The following RABGAP1L variants were observed in gnomAD, a reference collection of about 807,000 sequenced individuals.
RABGAP1L encodes rab GTPase-activating protein 1-like.
RABGAP1L carries 63 observed loss-of-function variants against 137.7 expected under a neutral mutation model. The ratio of observed to expected loss-of-function variants is 0.46; its 90% confidence interval spans 0.37 to 0.56. RABGAP1L has a LOEUF of 0.56. RABGAP1L is among the 20% of genes least tolerant of loss of function. The pLI is 0.00. For missense variants in RABGAP1L, 1,095 were observed against 1,244.0 expected, an observed-to-expected ratio of 0.88 and a Z score of 1.80; for synonymous variants, 431 against 433.7, an observed-to-expected ratio of 0.99 and a Z score of 0.08.
chr1:174,781,970 C>T (rs1361316837), intron 18 of RABGAP1L, among the ~76,000 whole-genome samples: 2 of 152,124 alleles, frequency 1.3e-5, no homozygotes, highest in East Asian at 3.9e-4. Flanking sequence ...TTACTGTAGC[C>T]TTGTAATATA....
chr1:174,745,594 G>C (rs1683805977), intron 17 of RABGAP1L, among the ~76,000 whole-genome samples: 2 of 152,156 alleles, frequency 1.3e-5, no homozygotes, highest in Admixed American at 1.3e-4. Context: ...ACAGTGTTCT[G>C]TCTCTGAGCT....
chr1:174,913,621 C>A (rs991972047), intron 19 of RABGAP1L, among the ~76,000 whole-genome samples: 4 of 152,168 alleles, frequency 2.6e-5, no homozygotes, highest in African/African-American at 9.7e-5. Context: ...AGCTCTTCTC[C>A]TGGTTGGTTG....
intron 13 of RABGAP1L, among the ~76,000 whole-genome samples, chr1:174,614,262 A>G (rs1413265629): frequency 9.9e-5 from 15 of 152,244 alleles, no homozygotes; most frequent in African/African-American, 1.4e-4. Flanking sequence ...GGTGGTGACA[A>G]AATCTCTCAG....
At chr1:174,302,487 G>A (rs1677809009) in intron 10 of RABGAP1L, among the ~76,000 whole-genome samples, 1 of 152,158 alleles carries the variant, frequency 6.6e-6, no homozygotes, top group Admixed American at 6.6e-5. Flanking sequence ...GACATGAAAT[G>A]GTACTTCAGG....
At chr1:174,906,054 A>G (rs558158903) in intron 19 of RABGAP1L, among the ~76,000 whole-genome samples, 14 of 152,188 alleles carry the variant, frequency 9.2e-5, no homozygotes, top group South Asian at 4.2e-4. Flanking sequence ...ATCTCACTCT[A>G]TCACCCAGGT....
intron 11 of RABGAP1L, among the ~76,000 whole-genome samples, chr1:174,344,119 G>C (rs1400772599): frequency 6.6e-6 from 1 of 152,160 alleles, no homozygotes; most frequent in South Asian, 2.1e-4. Flanking sequence ...TAAATGTTCT[G>C]GAGGATGATC....
chr1:174,635,438 G>C (rs1405551956), intron 13 of RABGAP1L, among the ~76,000 whole-genome samples: 1 of 152,010 alleles, frequency 6.6e-6, no homozygotes, highest in African/African-American at 2.4e-5. Flanking sequence ...GGTTTGCCTG[G>C]TTACCAGATT....
chr1:174,181,340 C>CT (rs1179097330), intron 1 of RABGAP1L, among the ~76,000 whole-genome samples: 2,675 of 138,888 alleles, frequency 0.019, 67 homozygotes, highest in African/African-American at 0.064. Flanking sequence ...TTCTTTTTTT[C>CT]TTTTTTTTTT....
intron 13 of RABGAP1L, among the ~76,000 whole-genome samples, chr1:174,519,501 G>A (rs1663175581): frequency 6.6e-6 from 1 of 152,062 alleles, no homozygotes; most frequent in Admixed American, 6.6e-5. Context: ...TTAAGGGTGG[G>A]TCTGCCTTCC....
chr1:174,534,025 C>T (rs1000113993), intron 13 of RABGAP1L, among the ~76,000 whole-genome samples: 1 of 152,062 alleles, frequency 6.6e-6, no homozygotes, highest in Non-Finnish European at 1.5e-5. Context: ...TTCTGGCTAG[C>T]AGTAGGCTAC....
At chr1:174,501,253 G>A (rs1456108035) in intron 13 of RABGAP1L, among the ~76,000 whole-genome samples, 2 of 143,638 alleles carry the variant, frequency 1.4e-5, no homozygotes, top group Admixed American at 7.2e-5. Context: ...TCACTCTATC[G>A]CCCAGGCTAG....
At chr1:174,849,852 A>G in intron 19 of RABGAP1L, 1 of 557,658 alleles carries the variant, frequency 1.8e-6, no homozygotes, top group Non-Finnish European at 3.6e-6. Context: ...AATGATCTTA[A>G]TATTTATCAT....
intron 7 of RABGAP1L, among the ~76,000 whole-genome samples, chr1:174,258,641 A>G (rs144820415): frequency 4.6e-5 from 7 of 152,306 alleles, no homozygotes; most frequent in African/African-American, 1.7e-4. Context: ...GTTAATTTGT[A>G]ATATAAAAGC....
intron 18 of RABGAP1L, among the ~76,000 whole-genome samples, chr1:174,786,949 G>A (rs753815618): frequency 1.3e-4 from 20 of 152,262 alleles, no homozygotes; most frequent in South Asian, 2.1e-4. Context: ...CTAGAGGTGC[G>A]AAAATGAATA....
At chr1:174,861,635 A>T (rs1042680215) in intron 19 of RABGAP1L, among the ~76,000 whole-genome samples, 1 of 151,948 alleles carries the variant, frequency 6.6e-6, no homozygotes, top group Non-Finnish European at 1.5e-5. Context: ...TTTTTTTTAA[A>T]TAATGGCCAT....
At chr1:174,954,846 C>G (rs1049142837) in intron 19 of RABGAP1L, among the ~76,000 whole-genome samples, 7 of 152,164 alleles carry the variant, frequency 4.6e-5, no homozygotes, top group African/African-American at 1.4e-4. Context: ...TGCTTAAAAC[C>G]CTGAAGCTTC....
chr1:174,474,787 G>C (rs1658324353), intron 13 of RABGAP1L, among the ~76,000 whole-genome samples: 1 of 151,974 alleles, frequency 6.6e-6, no homozygotes, highest in Admixed American at 6.6e-5. Flanking sequence ...ATTTTTAGTA[G>C]AGACAGGGTT....
At chr1:174,405,423 T>G (rs1214455935) in intron 13 of RABGAP1L, among the ~76,000 whole-genome samples, 1 of 152,186 alleles carries the variant, frequency 6.6e-6, no homozygotes, top group African/African-American at 2.4e-5. Context: ...CTTGTCTAGG[T>G]GTAGGCTTTG....
intron 17 of RABGAP1L, among the ~76,000 whole-genome samples, chr1:174,715,587 C>A (rs1351277140): frequency 6.6e-6 from 1 of 152,190 alleles, no homozygotes; most frequent in Admixed American, 6.5e-5. Flanking sequence ...CCTTCACACC[C>A]CTCATACAGT....
Sources: allele counts gnomAD v4.1 joint callset (sites outside exome capture counted in the v4.1 genomes callset), GRCh38; gene constraint gnomAD v4.1.1; transcripts MANE v1.5; gene names NCBI Gene and HGNC (gene_info 2026-07-23, HGNC 2026-07-21).